CNTNAP3: variants seen among roughly 807,000 people sequenced by gnomAD.
CNTNAP3 encodes contactin-associated protein-like 3.
A neutral mutation model predicts 92.1 loss-of-function variants in CNTNAP3; 36 were observed. The ratio of observed to expected loss-of-function variants is 0.39; its 90% CI spans 0.30 to 0.52. The LOEUF (loss-of-function observed/expected upper bound fraction) is 0.52. CNTNAP3 is among the 20% of genes least tolerant of loss of function. The probability of loss-of-function intolerance (pLI) is 0.76; values close to 1 mark genes in which losing one functional copy is unlikely to be tolerated. For synonymous variants in CNTNAP3, 232 were observed against 422.3 expected (o/e 0.55, Z 5.53); for missense variants, 534 against 1,069.6 (o/e 0.50, Z 6.98).
At chr9:39,121,351 T>C (rs1012089372) in intron 13 of CNTNAP3, among the ~76,000 whole-genome samples, 1 of 152,072 alleles carries the variant, frequency 6.6e-6, no homozygotes, top group African/African-American at 2.4e-5. Context: ...CATAAATGTA[T>C]ATGCAAGAAA....
At chr9:39,081,593 A>G (rs1825935690) in intron 21 of CNTNAP3, among the ~76,000 whole-genome samples, 1 of 151,186 alleles carries the variant, frequency 6.6e-6, no homozygotes, top group Admixed American at 6.6e-5. Context: ...AAATACTGGC[A>G]CTTGACGTTG....
intron 12 of CNTNAP3, among the ~76,000 whole-genome samples, chr9:39,136,544 C>T (rs893094724): frequency 4.6e-5 from 7 of 152,116 alleles, no homozygotes; most frequent in South Asian, 2.1e-4. Flanking sequence ...GAAGAGAAGT[C>T]GCTGTAATAC....
At chr9:39,074,918 G>A (rs147410111) in intron 23 of CNTNAP3, among the ~76,000 whole-genome samples, 14,138 of 151,268 alleles carry the variant, frequency 0.093, 79 homozygotes, top group African/African-American at 0.26. Flanking sequence ...ACAGGCACCC[G>A]CCACCGCGCC....
At position 39,133,088 on chromosome 9, in the gene CNTNAP3, T is replaced by A. The variant is rs754572269; in HGVS notation, c.1924A>T (p.Thr642Ser). The A allele has an allele frequency of 6.4e-6, 10 of 1,568,804 alleles. No homozygotes were observed. Among genetic ancestry groups the A allele is most frequent in the Non-Finnish European group, 8.6e-6 (10 of 1,163,832 alleles). ...VVQHGGPDAV[T>S]LRGAPSGHPR... ...TGCCCGCTGGGGGCACCTCGGAGGG[T>A]CACCGCGTCGGGGCCACCGTGCTGC... Residue 642 changes from threonine to serine, a missense_variant, in exon 13 of 24, where the codon ACC (threonine) becomes TCC (serine). Coordinates refer to ENST00000297668, the MANE Select transcript of CNTNAP3 (RefSeq NM_033655.5).
intron 9 of CNTNAP3, among the ~76,000 whole-genome samples, chr9:39,151,433 T>TG (rs1821841364): frequency 7.4e-6 from 1 of 135,954 alleles, no homozygotes; most frequent in South Asian, 2.6e-4. Context: ...GGTGGGTGCC[T>TG]GTAGTCCCAG....
chr9:39,140,674 A>G (rs1821554577), intron 11 of CNTNAP3, 36 bp from the exon 12 acceptor site: 1 of 1,556,674 alleles, frequency 6.4e-7, no homozygotes, highest in South Asian at 1.2e-5. Flanking sequence ...ACCAGAAAAA[A>G]TATCTCCAGA....
intron 13 of CNTNAP3, among the ~76,000 whole-genome samples, chr9:39,132,359 C>T (rs181457557): frequency 3.9e-5 from 6 of 152,062 alleles, no homozygotes; most frequent in Admixed American, 2.6e-4. Flanking sequence ...ACATTACTTC[C>T]ATATATGAAG....
intron 18 of CNTNAP3, among the ~76,000 whole-genome samples, chr9:39,091,647 C>G (rs1826205129): frequency 6.6e-6 from 1 of 151,690 alleles, no homozygotes; most frequent in African/African-American, 2.4e-5. Context: ...TGATATTGGT[C>G]TGTAGATTTA....
intron 15 of CNTNAP3, among the ~76,000 whole-genome samples, chr9:39,107,378 G>A (rs1167488065): frequency 2.3e-5 from 3 of 132,180 alleles, no homozygotes; most frequent in African/African-American, 8.2e-5. Flanking sequence ...GGGAGGGAGA[G>A]AAAGAGGGAG....
chr9:39,082,975 C>G (rs1825980953), intron 21 of CNTNAP3, among the ~76,000 whole-genome samples: 1 of 152,082 alleles, frequency 6.6e-6, no homozygotes, highest in African/African-American at 2.4e-5. Flanking sequence ...AAAATCAAAT[C>G]CCAGACCCAA....
At chr9:39,097,067 C>G (rs1826343184) in intron 18 of CNTNAP3, among the ~76,000 whole-genome samples, 1 of 151,962 alleles carries the variant, frequency 6.6e-6, no homozygotes, top group Non-Finnish European at 1.5e-5. Flanking sequence ...TATTATTTCT[C>G]TGTATTCTTC....
intron 14 of CNTNAP3, among the ~76,000 whole-genome samples, chr9:39,110,993 T>A (rs894894184): frequency 6.6e-6 from 1 of 152,136 alleles, no homozygotes; most frequent in Admixed American, 6.5e-5. Flanking sequence ...AATTGATATT[T>A]CATCATTGCA....
At chr9:39,097,676 T>C (rs1826358016) in intron 18 of CNTNAP3, among the ~76,000 whole-genome samples, 1 of 149,012 alleles carries the variant, frequency 6.7e-6, no homozygotes, top group Admixed American at 6.6e-5. Context: ...GAGTAGGACC[T>C]GGGTAGAGAG....
In CNTNAP3 at chr9:39,079,619, A is replaced by T. The variant is rs186621248; in HGVS notation, c.3443-699T>A. Among the ~76,000 whole-genome samples, 131 of 149,822 alleles carry T rather than the reference A, an allele frequency of 8.7e-4. 2 individuals carry two copies. The East Asian group carries it at 0.021, about 24-fold the overall frequency. ...AATTTAGTCCATTTGTCTTTAGAGT[A>T]ATAACCACTATATCTGATTTTATTT... On this transcript the variant is annotated intron_variant, in intron 21 of 23. Coordinates refer to ENST00000297668, the MANE Select transcript of CNTNAP3 (RefSeq NM_033655.5).
chr9:39,117,150 C>T (rs1820877661), intron 14 of CNTNAP3, among the ~76,000 whole-genome samples: 1 of 152,060 alleles, frequency 6.6e-6, no homozygotes, highest in Non-Finnish European at 1.5e-5. Flanking sequence ...CACAGCCACA[C>T]CCGGCTAATT....
intron 14 of CNTNAP3, among the ~76,000 whole-genome samples, chr9:39,110,261 T>C (rs926502722): frequency 1.3e-5 from 2 of 152,092 alleles, no homozygotes; most frequent in Non-Finnish European, 2.9e-5. Context: ...CTGGGTGTGA[T>C]GGTGCACACC....
intron 19 of CNTNAP3, among the ~76,000 whole-genome samples, chr9:39,087,235 G>A (rs941327820): frequency 4.6e-5 from 7 of 152,188 alleles, no homozygotes; most frequent in Non-Finnish European, 1.0e-4. Flanking sequence ...TTCAGTTCCT[G>A]TAATTATAAC....
At chr9:39,114,853 C>T (rs1820817359) in intron 14 of CNTNAP3, among the ~76,000 whole-genome samples, 1 of 151,264 alleles carries the variant, frequency 6.6e-6, no homozygotes, top group East Asian at 1.9e-4. Context: ...ATTATATTAG[C>T]AAAACAACTT....
At chr9:39,084,055 G>A (rs1587697694) in intron 21 of CNTNAP3, among the ~76,000 whole-genome samples, 1 of 151,820 alleles carries the variant, frequency 6.6e-6, no homozygotes, top group South Asian at 2.1e-4. Flanking sequence ...CTGGATATGA[G>A]CATTATTTTA....
Sources: gnomAD v4.1 joint callset for allele counts (sites outside exome capture counted in the v4.1 genomes callset) on GRCh38, gnomAD v4.1.1 for gene constraint, MANE v1.5 for transcripts, NCBI Gene and HGNC (gene_info 2026-07-23, HGNC 2026-07-21) for gene names.